Variants in DMD observed in about 807,000 individuals in gnomAD.
The protein encoded by DMD is dystrophin.
In DMD, 63 loss-of-function variants were observed where a neutral mutation model predicts 330.1. The observed-to-expected ratio is 0.19, with a 90% CI of 0.16 to 0.24. DMD has a LOEUF of 0.24. Ranked by LOEUF, DMD falls within the 10% of genes least tolerant of loss-of-function variation. The probability of loss-of-function intolerance (pLI) is 1.00; values close to 1 mark genes in which losing one functional copy is unlikely to be tolerated. For missense variants in DMD, 3,344 were observed against 2,684.1 expected (o/e 1.25, Z -5.43); for synonymous variants, 1,223 against 959.8 (o/e 1.27, Z -5.07).
At chrX:32,444,432 C>T (rs1017911541) in intron 27 of DMD, among the ~76,000 whole-genome samples, 3 of 110,374 alleles carry the variant, frequency 2.7e-5, no homozygotes, top group African/African-American at 9.8e-5. Flanking sequence ...AACAAATAAA[C>T]AAACAAAAAC....
At chrX:31,349,080 T>C (rs1473145831) in intron 60 of DMD, among the ~76,000 whole-genome samples, 12 of 112,523 alleles carry the variant, frequency 1.1e-4, no homozygotes, top group African/African-American at 3.9e-4. Flanking sequence ...CAATATTGAT[T>C]AATAGATAAT....
intron 1 of DMD, among the ~76,000 whole-genome samples, chrX:33,335,242 T>C (rs1469661911): frequency 9.1e-6 from 1 of 110,264 alleles, no homozygotes; most frequent in East Asian, 2.8e-4. Context: ...TTACCACATA[T>C]AATATATACA....
In DMD at chrX:32,254,821, G is replaced by A. The variant is rs116416071; in HGVS notation, c.6290+32708C>T. ...ATTTATATCAGCAATTTGGGCACAT[G>A]GGCTTGTCTTTTTTAACTGTGGGAA... is the stretch of plus-strand genomic sequence containing the variant. On this transcript the variant is annotated intron_variant, in intron 43 of 78. Coordinates refer to ENST00000357033, the MANE Select transcript of DMD (RefSeq NM_004006.3). 4.2e-3 allele frequency among the ~76,000 whole-genome samples: 465 copies of A among 111,857 alleles called. 4 individuals are homozygous for A. Among genetic ancestry groups the A allele is most frequent in the African/African-American group, 0.014 (444 of 30,781 alleles).
chrX:32,564,974 T>C (rs906967198), intron 16 of DMD, among the ~76,000 whole-genome samples: 6 of 112,038 alleles, frequency 5.4e-5, no homozygotes, highest in Non-Finnish European at 9.4e-5. Flanking sequence ...AATACTATTA[T>C]ATATAATGTT....
rs775726086 is a variant in DMD at position 31,474,917 on chromosome X, C to A, written c.8937+3189G>T. 2.3e-4 allele frequency among the ~76,000 whole-genome samples: 25 copies of A among 109,740 alleles called. No homozygotes were observed. In the South Asian group the frequency reaches 9.4e-3, roughly 41 times the overall value. Reference sequence around the variant, plus strand: ...AAAACTCATTCTTTGTAAACTACTACCCCCAAAGCTTCAGAGTTTCAAACC... The same window carrying A: ...AAAACTCATTCTTTGTAAACTACTAACCCCAAAGCTTCAGAGTTTCAAACC... On this transcript the variant is annotated intron_variant, in intron 59 of 78. Coordinates refer to ENST00000357033, the MANE Select transcript of DMD (RefSeq NM_004006.3).
At chrX:32,524,633 T>C (rs766010082) in intron 17 of DMD, among the ~76,000 whole-genome samples, 1 of 112,345 alleles carries the variant, frequency 8.9e-6, no homozygotes, top group Non-Finnish European at 1.9e-5. Context: ...GTCAACACCA[T>C]GGTAACTGTC....
intron 34 of DMD, among the ~76,000 whole-genome samples, chrX:32,365,836 G>A (rs936822102): frequency 8.9e-6 from 1 of 111,793 alleles, no homozygotes; most frequent in East Asian, 2.8e-4. Flanking sequence ...ATGTAGTGAT[G>A]ACGAGCATAA....
chrX:32,215,484 G>A (rs1019122241), intron 44 of DMD, among the ~76,000 whole-genome samples: 1 of 111,384 alleles, frequency 9.0e-6, no homozygotes, highest in Non-Finnish European at 1.9e-5. Flanking sequence ...AAGAAACCCA[G>A]CCTGAAATAT....
chrX:31,808,600 T>G (rs953210777), intron 50 of DMD, among the ~76,000 whole-genome samples: 1 of 111,755 alleles, frequency 8.9e-6, no homozygotes, highest in East Asian at 2.8e-4. Context: ...GAAAGCTTTA[T>G]TAGACAAGTT....
At chrX:32,988,789 T>C (rs1242608270) in intron 2 of DMD, among the ~76,000 whole-genome samples, 2 of 111,760 alleles carry the variant, frequency 1.8e-5, no homozygotes, top group Non-Finnish European at 3.8e-5. Flanking sequence ...TAGTTTTGGT[T>C]CTCATGGAAA....
In DMD at chrX:31,476,397, G is replaced by A. The variant is rs200497574; in HGVS notation, c.8937+1709C>T. Among the ~76,000 whole-genome samples, 443 of 88,314 alleles carry A rather than the reference G, an allele frequency of 5.0e-3. 2 individuals carry two copies. Among genetic ancestry groups the A allele is most frequent in the Non-Finnish European group, 5.6e-3 (253 of 45,538 alleles). 76.7% of individuals were successfully genotyped at this position (88,314 alleles called of 115,157 possible). A position where few individuals can be genotyped will look rare whatever the true frequency, so the allele number is the denominator to read the frequency against. ...TATCTAACTATGTATGTGTGTGTGT[G>A]TATATATATATATATATATATATAC... On this transcript the variant is annotated intron_variant, in intron 59 of 78. Coordinates refer to ENST00000357033, the MANE Select transcript of DMD (RefSeq NM_004006.3).
chrX:32,362,685 T>C, intron 37 of DMD, 103 bp downstream of exon 37: 1 of 969,289 alleles, frequency 1.0e-6, no homozygotes, highest in South Asian at 2.0e-5. Context: ...ATTTTCCTTT[T>C]GAAAACCTTG....
intron 55 of DMD, among the ~76,000 whole-genome samples, chrX:31,530,647 C>CTTTTTTTTTTTTTTTTTTTTTGATTT (rs2073678188): frequency 2.0e-5 from 1 of 49,845 alleles, no homozygotes; most frequent in Non-Finnish European, 3.6e-5. Flanking sequence ...ACTGGTTTCT[C>CTTTTTTTTTTTTTTTTTTTTTGATTT]TTTTTTTTTT....
At chrX:32,088,387 A>T (rs1171989579) in intron 44 of DMD, among the ~76,000 whole-genome samples, 1 of 110,096 alleles carries the variant, frequency 9.1e-6, no homozygotes, top group Non-Finnish European at 1.9e-5. Context: ...CCTGGAAAGT[A>T]ATCTCAGATA....
chrX:32,695,153 G>A (rs749033765), intron 9 of DMD, among the ~76,000 whole-genome samples: 7 of 112,150 alleles, frequency 6.2e-5, no homozygotes, highest in Non-Finnish European at 7.5e-5. Flanking sequence ...CTATGTGTGC[G>A]TAACGCAATA....
rs775608961 is a variant in DMD, at chrX:31,907,840, G to T, written c.6912+21756C>A. Among the ~76,000 whole-genome samples, 10 of 112,255 alleles carry T rather than the reference G, an allele frequency of 8.9e-5. No homozygotes were observed. In the South Asian group the frequency reaches 3.7e-3, roughly 41 times the overall value. ...CCATCTGACAAAGGGCTAATATCGAGAATCTACAAAGAACTTAAACAAATT... is the reference window on the plus strand; with the variant it reads ...CCATCTGACAAAGGGCTAATATCGATAATCTACAAAGAACTTAAACAAATT... On this transcript the variant is annotated intron_variant, in intron 47 of 78. Coordinates refer to ENST00000357033, the MANE Select transcript of DMD (RefSeq NM_004006.3).
intron 48 of DMD, among the ~76,000 whole-genome samples, chrX:31,862,477 C>G (rs1314890502): frequency 9.0e-6 from 1 of 111,312 alleles, no homozygotes; most frequent in Admixed American, 9.6e-5. Flanking sequence ...AAATTTACCC[C>G]CAACTTTGTA....
intron 9 of DMD, among the ~76,000 whole-genome samples, chrX:32,685,656 G>C (rs2062805346): frequency 9.0e-6 from 1 of 111,643 alleles, no homozygotes; most frequent in Non-Finnish European, 1.9e-5. Context: ...CCTAATAGAA[G>C]TAAGTATTTA....
At chrX:32,258,634 C>T (rs777081233) in intron 43 of DMD, among the ~76,000 whole-genome samples, 22 of 108,623 alleles carry the variant, frequency 2.0e-4, no homozygotes, top group Non-Finnish European at 3.6e-4. Flanking sequence ...AGACACAGGG[C>T]GGGGAACATC....
Sources: allele counts gnomAD v4.1 joint callset (sites outside exome capture counted in the v4.1 genomes callset), GRCh38; gene constraint gnomAD v4.1.1; transcripts MANE v1.5; gene names NCBI Gene and HGNC (gene_info 2026-07-23, HGNC 2026-07-21).